Variants in ADAMTS19 observed in about 807,000 individuals in gnomAD.
The protein encoded by ADAMTS19 is ADAM metallopeptidase with thrombospondin type 1 motif 19.
In ADAMTS19, 93 loss-of-function variants were observed where a neutral mutation model predicts 153.3. The ratio of observed to expected loss-of-function variants is 0.61; its 90% confidence interval spans 0.51 to 0.72. The LOEUF is 0.72. ADAMTS19 is among the 30% of genes least tolerant of loss of function. ADAMTS19 has a pLI of 0.00. For synonymous variants in ADAMTS19, 600 were observed against 556.6 expected, an observed-to-expected ratio of 1.08 and a Z score of -1.10; for missense variants, 1,482 against 1,552.1, an observed-to-expected ratio of 0.95 and a Z score of 0.76.
intron 6 of ADAMTS19, among the ~76,000 whole-genome samples, chr5:129,539,913 C>T (rs1298406456): frequency 1.3e-5 from 2 of 151,998 alleles, no homozygotes; most frequent in Non-Finnish European, 2.9e-5. Context: ...AGTGAAAAAT[C>T]ACCCCACTAA....
At chr5:129,577,683 G>C (rs1749215023) in intron 7 of ADAMTS19, among the ~76,000 whole-genome samples, 1 of 152,024 alleles carries the variant, frequency 6.6e-6, no homozygotes, top group East Asian at 1.9e-4. Context: ...AGAAAGCCAA[G>C]GTAGCTGGAA....
chr5:129,729,620 T>C (rs1757352435), intron 21 of ADAMTS19, among the ~76,000 whole-genome samples: 1 of 152,032 alleles, frequency 6.6e-6, no homozygotes, highest in Non-Finnish European at 1.5e-5. Context: ...TCTTGGAGAA[T>C]ATTTTTATTT....
At chr5:129,604,889 C>G (rs774754101) in intron 8 of ADAMTS19, among the ~76,000 whole-genome samples, 1 of 152,066 alleles carries the variant, frequency 6.6e-6, no homozygotes. Context: ...AAAGTGTTGC[C>G]CCTGAAGTCT....
chr5:129,711,745 G>T (rs1004204716), intron 21 of ADAMTS19, among the ~76,000 whole-genome samples: 3 of 152,136 alleles, frequency 2.0e-5, no homozygotes, highest in Admixed American at 2.0e-4. Context: ...TCATTCCTTG[G>T]GGATGTGGTC....
chr5:129,717,107 C>A (rs1042121660), intron 21 of ADAMTS19, among the ~76,000 whole-genome samples: 1 of 152,136 alleles, frequency 6.6e-6, no homozygotes, highest in African/African-American at 2.4e-5. Flanking sequence ...TAAATGACAG[C>A]CTTAGAACTC....
chr5:129,557,269 C>A (rs1753346405), intron 7 of ADAMTS19, among the ~76,000 whole-genome samples: 2 of 152,132 alleles, frequency 1.3e-5, no homozygotes, highest in South Asian at 4.1e-4. Context: ...CCTATCTCTT[C>A]TTTTAACAAT....
At position 129,683,377 on chromosome 5, in the gene ADAMTS19, T is replaced by C. The variant is rs182314276; in HGVS notation, c.2665-743T>C. Among the ~76,000 whole-genome samples, 240 of 152,040 alleles carry C rather than the reference T, an allele frequency of 1.6e-3. 1 individual carries two copies. Among genetic ancestry groups the C allele is most frequent in the Non-Finnish European group, 1.7e-3 (113 of 67,944 alleles). ...CAACGTGTAGCCCCATATTCAGTCG[T>C]TTTCATGTATTTTTATGGTTTATTG... On this transcript the variant is annotated intron_variant, in intron 17 of 22. Coordinates refer to ENST00000274487, the MANE Select transcript of ADAMTS19 (RefSeq NM_133638.6).
chr5:129,571,645 C>CT (rs1301865333), intron 7 of ADAMTS19, among the ~76,000 whole-genome samples: 3 of 151,486 alleles, frequency 2.0e-5, no homozygotes, highest in Non-Finnish European at 3.0e-5. Context: ...AATTTAAGTG[C>CT]TTTTTTGTAG....
At chr5:129,476,139 A>G (rs1042847597) in intron 2 of ADAMTS19, among the ~76,000 whole-genome samples, 1 of 151,648 alleles carries the variant, frequency 6.6e-6, no homozygotes, top group African/African-American at 2.4e-5. Context: ...GGTCTTTTTC[A>G]TAGCAGTAGG....
intron 7 of ADAMTS19, among the ~76,000 whole-genome samples, chr5:129,584,829 T>C (rs1749701112): frequency 6.6e-6 from 1 of 152,202 alleles, no homozygotes; most frequent in Non-Finnish European, 1.5e-5. Flanking sequence ...CTTAGCTTGC[T>C]GGGCTCCATG....
intron 2 of ADAMTS19, among the ~76,000 whole-genome samples, chr5:129,474,389 G>T (rs1005626001): frequency 6.6e-6 from 1 of 150,744 alleles, no homozygotes; most frequent in Non-Finnish European, 1.5e-5. Context: ...TTGTGTAGAT[G>T]GGTATTTTCA....
intron 3 of ADAMTS19, among the ~76,000 whole-genome samples, chr5:129,519,692 T>C (rs1751731167): frequency 6.6e-6 from 1 of 151,354 alleles, no homozygotes; most frequent in African/African-American, 2.4e-5. Flanking sequence ...TTTTAAGAAA[T>C]ACACAAGGGA....
At chr5:129,709,159 T>C (rs1157809861) in intron 21 of ADAMTS19, among the ~76,000 whole-genome samples, 1 of 152,144 alleles carries the variant, frequency 6.6e-6, no homozygotes. Flanking sequence ...AATATACTTA[T>C]CTAGATACCT....
At chr5:129,584,513 G>A (rs1368827275) in intron 7 of ADAMTS19, among the ~76,000 whole-genome samples, 1 of 152,196 alleles carries the variant, frequency 6.6e-6, no homozygotes, top group Non-Finnish European at 1.5e-5. Flanking sequence ...CTTCACCCAG[G>A]TGCTCTGTCA....
At chr5:129,538,913 C>G (rs867193091) in intron 6 of ADAMTS19, among the ~76,000 whole-genome samples, 1 of 152,024 alleles carries the variant, frequency 6.6e-6, no homozygotes, top group Admixed American at 6.6e-5. Context: ...AAAAGAAACA[C>G]CTTAGTGTTT....
At chr5:129,596,363 A>G (rs1750376622) in intron 7 of ADAMTS19, among the ~76,000 whole-genome samples, 196 bp from the exon 8 acceptor site, 1 of 152,092 alleles carries the variant, frequency 6.6e-6, no homozygotes, top group Non-Finnish European at 1.5e-5. Flanking sequence ...GAAAATGAAA[A>G]TGATATGAAC....
Position 129,679,889 on chromosome 5 carries a change from A to T in ADAMTS19, c.2632A>T (p.Lys878Ter). 6.2e-7 allele frequency: 1 copy of T among 1,614,042 alleles called. No homozygotes were observed. The highest frequency in any genetic ancestry group is 1.7e-5 in the Admixed American group (1 of 60,012). ...AGGCCTCTGGGAGAAGATCTCTGCC[A>T]AAGGTCCTACTACAGCACCTTTACA... The part of the protein sequence containing the change: ...RRGLWEKISA[K>*]GPTTAPLHLL... The change falls in exon 17 of 23, where the codon AAA (lysine) becomes TAA (stop). Residue 878 changes from lysine (K) to a stop codon, truncating the protein, a stop_gained. Transcript: ENST00000274487. LOFTEE classifies it high-confidence loss of function.
chr5:129,509,905 G>A (rs7714808), intron 3 of ADAMTS19, among the ~76,000 whole-genome samples: 3,605 of 151,906 alleles, frequency 0.024, 99 homozygotes, highest in African/African-American at 0.067. Context: ...GCAGAGATCT[G>A]TGGTGTTTGC....
intron 21 of ADAMTS19, among the ~76,000 whole-genome samples, chr5:129,730,332 G>A (rs569713506): frequency 6.6e-6 from 1 of 152,058 alleles, no homozygotes; most frequent in Non-Finnish European, 1.5e-5. Context: ...TCTTTGATCT[G>A]CTATTTGCAG....
Sources: allele counts gnomAD v4.1 joint callset (sites outside exome capture counted in the v4.1 genomes callset), GRCh38; gene constraint gnomAD v4.1.1; transcripts MANE v1.5; gene names NCBI Gene and HGNC (gene_info 2026-07-23, HGNC 2026-07-21).